The following MEF2C variants were observed in gnomAD, a reference collection of about 807,000 sequenced individuals.
MEF2C encodes the protein myocyte-specific enhancer factor 2C.
In MEF2C, 6 loss-of-function variants were observed where a neutral mutation model predicts 50.5. The ratio of observed to expected loss-of-function variants is 0.12; its 90% confidence interval spans 0.07 to 0.23. MEF2C has a LOEUF of 0.23. Ranked by LOEUF, MEF2C falls within the 10% of genes least tolerant of loss-of-function variation. The pLI, the probability that MEF2C is intolerant of heterozygous loss-of-function variation, is 1.00. For missense variants in MEF2C, 276 were observed against 605.0 expected (o/e 0.46, Z 5.70); for synonymous variants, 183 against 228.0 (o/e 0.80, Z 1.78).
chr5:88,760,411 C>T (rs760066878), intron 4 of MEF2C, among the ~76,000 whole-genome samples: 35 of 152,110 alleles, frequency 2.3e-4, no homozygotes, highest in Non-Finnish European at 4.9e-4. Context: ...AGCACACAAA[C>T]ATGTTGAAAT....
chr5:88,757,951 T>C lies in MEF2C; in HGVS notation c.402+3234A>G, dbSNP rs571867572. On this transcript the variant is annotated intron_variant, in intron 4 of 10. Transcript: ENST00000504921. Reference sequence around the variant, plus strand: ...AAATAAAAATAAAATAAAATAGAGGTCATTATATGGTCACCTACTCAGCGT... The same window carrying C: ...AAATAAAAATAAAATAAAATAGAGGCCATTATATGGTCACCTACTCAGCGT... 5.5e-3 allele frequency among the ~76,000 whole-genome samples: 839 copies of C among 151,756 alleles called. 8 individuals are homozygous for C. The highest frequency in any genetic ancestry group is 0.019 in the African/African-American group (791 of 41,390).
At chr5:88,875,207 A>C (rs1269544727) in intron 1 of MEF2C, among the ~76,000 whole-genome samples, 1 of 152,018 alleles carries the variant, frequency 6.6e-6, no homozygotes, top group African/African-American at 2.4e-5. Flanking sequence ...TTTGCATGGT[A>C]TTATACACAG....
chr5:88,722,968 G>A (rs1407985474), intron 10 of MEF2C, 43 bp from the exon 11 acceptor site: 1 of 1,465,154 alleles, frequency 6.8e-7, no homozygotes, highest in Non-Finnish European at 9.2e-7. Flanking sequence ...AAGGAGGCCT[G>A]GAGGCCCCAG....
At chr5:88,792,088 T>G (rs1458384267) in intron 3 of MEF2C, among the ~76,000 whole-genome samples, 2 of 152,116 alleles carry the variant, frequency 1.3e-5, no homozygotes, top group Non-Finnish European at 2.9e-5. Flanking sequence ...AAGAATACTA[T>G]TTCTCTAAAT....
intron 2 of MEF2C, among the ~76,000 whole-genome samples, chr5:88,818,151 C>A (rs1278211538): frequency 6.6e-6 from 1 of 151,894 alleles, no homozygotes; most frequent in Non-Finnish European, 1.5e-5. Context: ...ATGCTAACTA[C>A]CCTGATTTGA....
intron 10 of MEF2C, among the ~76,000 whole-genome samples, chr5:88,725,942 A>G (rs1275809482): frequency 6.6e-6 from 1 of 152,114 alleles, no homozygotes; most frequent in African/African-American, 2.4e-5. Context: ...TAAATCAAAT[A>G]TTAGTATTCA....
intron 6 of MEF2C, chr5:88,741,077 C>T: frequency 1.0e-6 from 1 of 985,388 alleles, no homozygotes; most frequent in Admixed American, 6.1e-5. Context: ...GTACTGCTCT[C>T]ACATTCTGCT....
rs1763233610 is a variant in MEF2C, at chr5:88,734,576, T to TTTTTTTTTTTG, written c.638-2676_638-2675insCAAAAAAAAAA. On this transcript the variant is annotated intron_variant, in intron 6 of 10. Transcript: ENST00000504921. ...CTTGAGAAAAGTTTGTTTTTTTTTT[T>TTTTTTTTTTTG]TTTTTTTTTTTTTTTTTTTTTTAGC... 3.5e-6 allele frequency: 3 copies of TTTTTTTTTTTG among 854,738 alleles called. No individual in the cohort carries two copies. In the Admixed American group the frequency reaches 2.5e-4, roughly 73 times the overall value. 52.9% of individuals were successfully genotyped at this position (854,738 alleles called of 1,614,324 possible).
chr5:88,867,824 G>A (rs936733962), intron 1 of MEF2C, among the ~76,000 whole-genome samples: 4 of 152,148 alleles, frequency 2.6e-5, no homozygotes, highest in Admixed American at 1.3e-4. Context: ...AACATATGTC[G>A]ATGCAGATGG....
chr5:88,750,242 T>C (rs1772063058), intron 5 of MEF2C: 1 of 281,444 alleles, frequency 3.6e-6, no homozygotes, highest in Non-Finnish European at 5.3e-6. Context: ...CTTGCTCTGT[T>C]GCCCAGGCTG....
intron 6 of MEF2C, chr5:88,744,212 C>T (rs1010789162): frequency 2.4e-5 from 21 of 877,766 alleles, no homozygotes; most frequent in African/African-American, 1.5e-4. Flanking sequence ...TACAAACAAC[C>T]GAACTTGATC....
intron 1 of MEF2C, among the ~76,000 whole-genome samples, chr5:88,831,013 A>G (rs984947534): frequency 6.6e-6 from 1 of 152,144 alleles, no homozygotes; most frequent in Non-Finnish European, 1.5e-5. Context: ...TTGCTATTAT[A>G]GATTTTCATG....
chr5:88,828,895 C>T (rs1811972928), intron 1 of MEF2C, among the ~76,000 whole-genome samples: 1 of 151,880 alleles, frequency 6.6e-6, no homozygotes, highest in South Asian at 2.1e-4. Context: ...TTGAAAGTTG[C>T]TCCATTTCTC....
chr5:88,808,215 T>C (rs1249172052), intron 2 of MEF2C, among the ~76,000 whole-genome samples: 1 of 152,176 alleles, frequency 6.6e-6, no homozygotes, highest in East Asian at 1.9e-4. Context: ...TGTACCTGCA[T>C]ATTGGCATTT....
At chr5:88,743,053 G>T in intron 6 of MEF2C, 1 of 974,128 alleles carries the variant, frequency 1.0e-6, no homozygotes, top group Non-Finnish European at 1.2e-6. Flanking sequence ...TTTTAATTCA[G>T]AACAATTCAA....
chr5:88,795,350 G>T (rs1795582834), intron 3 of MEF2C, among the ~76,000 whole-genome samples: 1 of 152,052 alleles, frequency 6.6e-6, no homozygotes, highest in Admixed American at 6.6e-5. Context: ...TCCTTGAAGA[G>T]GTCCTTCCCA....
Position 88,750,193 on chromosome 5 carries a change from CAT to C in MEF2C, c.590-1078_590-1077del, listed in dbSNP as rs1188733635. ...AAGAAAATGTTTGTTTATATATATA[CAT>C]ATATATACACGATTTTTTTTTTTTT... On this transcript the variant is annotated intron_variant, in intron 5 of 10. Coordinates refer to ENST00000504921, the MANE Select transcript of MEF2C (RefSeq NM_002397.5). 9.4e-6 allele frequency: 5 copies of C among 530,008 alleles called. No homozygotes were observed. In the East Asian group the frequency reaches 5.9e-4, roughly 63 times the overall value. The allele number at this position is 530,008 out of a possible 1,614,324, so 32.8% of individuals were successfully genotyped here.
intron 3 of MEF2C, chr5:88,773,034 G>T: frequency 5.6e-6 from 3 of 531,216 alleles, no homozygotes; most frequent in Non-Finnish European, 7.2e-6. Flanking sequence ...GCGTCACTGG[G>T]ATTGTGGGAA....
intron 1 of MEF2C, among the ~76,000 whole-genome samples, chr5:88,874,754 T>G (rs1357893797): frequency 6.6e-6 from 1 of 151,972 alleles, no homozygotes; most frequent in African/African-American, 2.4e-5. Flanking sequence ...TTGGTAAATT[T>G]CATATAGGCA....
Sources: gnomAD v4.1 joint callset for allele counts (sites outside exome capture counted in the v4.1 genomes callset) on GRCh38, gnomAD v4.1.1 for gene constraint, MANE v1.5 for transcripts, NCBI Gene and HGNC (gene_info 2026-07-23, HGNC 2026-07-21) for gene names.